Variants in ABAT observed in about 807,000 individuals in gnomAD.
ABAT encodes 4-aminobutyrate aminotransferase.
In ABAT, 45 loss-of-function variants were observed where a neutral mutation model predicts 64.6. That is an observed-to-expected ratio of 0.70 (90% confidence interval 0.55 to 0.89). ABAT has a LOEUF of 0.89. Ranked by LOEUF, ABAT falls within the 40% of genes least tolerant of loss-of-function variation. The pLI, the probability that ABAT is intolerant of heterozygous loss-of-function variation, is 0.00. For missense variants in ABAT, 633 were observed against 658.4 expected (o/e 0.96, Z 0.42); for synonymous variants, 297 against 250.5 (o/e 1.19, Z -1.75).
At chr16:8,763,925 C>A in intron 6 of ABAT, 144 bp from the exon 7 acceptor site, 1 of 732,198 alleles carries the variant, frequency 1.4e-6, no homozygotes, top group South Asian at 1.5e-5. Flanking sequence ...GGAAACCGGC[C>A]ATGCCCCACG....
chr16:8,777,573 T>C (rs1221649599), intron 14 of ABAT, among the ~76,000 whole-genome samples: 1 of 151,988 alleles, frequency 6.6e-6, no homozygotes, highest in Non-Finnish European at 1.5e-5. Flanking sequence ...TAAGGACGTG[T>C]GGGGATGTGT....
At chr16:8,754,710 CTTTCTTTCTTTCTTT>C (rs1567305369) in intron 5 of ABAT, among the ~76,000 whole-genome samples, 3 of 66,370 alleles carry the variant, frequency 4.5e-5, no homozygotes, top group East Asian at 4.5e-4. Flanking sequence ...TTCTTTCTTT[CTTTCTTTCTTTCTTT>C]TTTTTTTCTT....
intron 1 of ABAT, among the ~76,000 whole-genome samples, chr16:8,723,734 G>A (rs2058441861): frequency 1.3e-5 from 2 of 149,074 alleles, no homozygotes. Context: ...GGAAACTGAG[G>A]CTCAGAGCAT....
At chr16:8,716,840 C>T (rs1431526610) in intron 1 of ABAT, among the ~76,000 whole-genome samples, 4 of 152,250 alleles carry the variant, frequency 2.6e-5, no homozygotes, top group East Asian at 3.9e-4. Context: ...TGCGTCAGCC[C>T]GCACAGGCCA....
chr16:8,778,303 G>T (rs144785609), intron 14 of ABAT, among the ~76,000 whole-genome samples: 19 of 152,164 alleles, frequency 1.2e-4, no homozygotes, highest in African/African-American at 4.3e-4. Context: ...CAGCAGAGTT[G>T]GCTCCTTCTC....
chr16:8,708,247 G>A (rs2057992496), intron 1 of ABAT, among the ~76,000 whole-genome samples: 1 of 152,118 alleles, frequency 6.6e-6, no homozygotes, highest in South Asian at 2.1e-4. Flanking sequence ...AGAGTTAGTT[G>A]CAGACTTTTT....
rs570822425 is a variant in ABAT at position 8,718,336 on chromosome 16, T to A, written c.-41-17363T>A. On this transcript the variant is annotated intron_variant, in intron 1 of 15. Coordinates refer to ENST00000268251, the MANE Select transcript of ABAT (RefSeq NM_020686.6). ...AAGTACAGATATAAAATACAATACATAAGCAGATGTACAATTTATCTGTGG... is the reference window on the plus strand; with the variant it reads ...AAGTACAGATATAAAATACAATACAAAAGCAGATGTACAATTTATCTGTGG... Among the ~76,000 whole-genome samples the A allele has an allele frequency of 2.0e-5, 3 of 152,268 alleles. No individual in the cohort carries two copies. In the East Asian group the frequency reaches 5.8e-4, roughly 29 times the overall value.
chr16:8,743,557 TATATACTTTAGTTTTAATATATA>T, intron 2 of ABAT, among the ~76,000 whole-genome samples: 1 of 143,926 alleles, frequency 6.9e-6, no homozygotes. Context: ...TATTATGTAA[TATATACTTTAGTTTTAATATATA>T]ATATATTTTA....
intron 1 of ABAT, among the ~76,000 whole-genome samples, chr16:8,725,333 A>G (rs1220844243): frequency 6.6e-6 from 1 of 151,998 alleles, no homozygotes; most frequent in African/African-American, 2.4e-5. Flanking sequence ...GATTTTTTTC[A>G]TCACCCCGGA....
chr16:8,676,622 G>T (rs2057208766), intron 1 of ABAT, among the ~76,000 whole-genome samples: 1 of 152,210 alleles, frequency 6.6e-6, no homozygotes, highest in South Asian at 2.1e-4. Flanking sequence ...ATCTAGGCTT[G>T]CCAAAATCCA....
chr16:8,778,742 A>C (rs1183455045), intron 14 of ABAT, among the ~76,000 whole-genome samples: 1 of 151,164 alleles, frequency 6.6e-6, no homozygotes, highest in East Asian at 1.9e-4. Flanking sequence ...GTGCCACTGC[A>C]CTCCAGCCAG....
intron 1 of ABAT, among the ~76,000 whole-genome samples, chr16:8,688,526 G>A (rs988423594): frequency 1.0e-4 from 15 of 150,394 alleles, no homozygotes; most frequent in East Asian, 3.8e-4. Flanking sequence ...ATCATGGCAC[G>A]TGGTAAAACA....
At chr16:8,679,526 CA>C (rs35069718) in intron 1 of ABAT, among the ~76,000 whole-genome samples, 219 of 133,600 alleles carry the variant, frequency 1.6e-3, no homozygotes, top group Admixed American at 2.4e-3. Flanking sequence ...ACATGAAAGC[CA>C]AAAAAAAAAA....
intron 1 of ABAT, among the ~76,000 whole-genome samples, chr16:8,691,059 A>C (rs928576178): frequency 5.3e-5 from 8 of 150,136 alleles, no homozygotes; most frequent in Non-Finnish European, 7.4e-5. Flanking sequence ...AAAAAAAAAA[A>C]CCCTGAAAAA....
intron 4 of ABAT, among the ~76,000 whole-genome samples, chr16:8,748,945 C>A (rs1013719363): frequency 2.0e-5 from 3 of 152,200 alleles, no homozygotes; most frequent in Non-Finnish European, 4.4e-5. Flanking sequence ...CGAGTTGGTT[C>A]TTTTTATCCA....
intron 1 of ABAT, among the ~76,000 whole-genome samples, chr16:8,732,374 C>G (rs1392365539): frequency 6.6e-6 from 1 of 150,690 alleles, no homozygotes; most frequent in Non-Finnish European, 1.5e-5. Context: ...TGCGGCCTTC[C>G]GCAGTGTTTG....
At chr16:8,768,127 A>T (rs573277423) in intron 9 of ABAT, 66 bp from the exon 10 acceptor site, 7 of 1,509,524 alleles carry the variant, frequency 4.6e-6, no homozygotes, top group Non-Finnish European at 6.5e-6. Flanking sequence ...CTGGACTTGC[A>T]GGGGCAACAA....
intron 1 of ABAT, among the ~76,000 whole-genome samples, chr16:8,712,512 T>C (rs1045956414): frequency 1.3e-4 from 20 of 152,228 alleles, no homozygotes; most frequent in Non-Finnish European, 2.4e-4. Flanking sequence ...CGTGGCTCAC[T>C]GGTGAATATT....
Position 8,781,379 on chromosome 16 carries a change from C to G in ABAT, c.1452C>G (p.His484Gln), listed in dbSNP as rs61730647. ...CCACGCTGGTCTTCAGGGATCACCA[C>G]GCTCACCTGTTCCTCAATATTTTCA... ...FRPTLVFRDH[H>Q]AHLFLNIFSD... Residue 484 changes from histidine to glutamine, a missense_variant, in exon 16 of 16, where the codon CAC becomes CAG. His to Gln is a conservative substitution (Grantham distance 24). Transcript: ENST00000268251. The surrounding 1 kb of genome is among the most constrained non-coding windows in gnomAD (Gnocchi z 4.5). 1.2e-6 allele frequency: 2 copies of G among 1,614,084 alleles called. No individual in the cohort carries two copies. The highest frequency in any genetic ancestry group is 4.5e-5 in the East Asian group (2 of 44,890).
Sources: allele counts gnomAD v4.1 joint callset (sites outside exome capture counted in the v4.1 genomes callset), GRCh38; gene constraint gnomAD v4.1.1; non-coding constraint Gnocchi (gnomAD v3.1); transcripts MANE v1.5; gene names NCBI Gene and HGNC (gene_info 2026-07-23, HGNC 2026-07-21).